Variants in CDH4 observed in about 807,000 individuals in gnomAD.
CDH4 encodes cadherin 4.
A neutral mutation model predicts 86.0 loss-of-function variants in CDH4; 33 were observed. That is an observed-to-expected ratio of 0.38 (90% CI 0.29 to 0.51). The LOEUF (loss-of-function observed/expected upper bound fraction) is 0.51. Ranked by LOEUF, CDH4 falls within the 20% of genes least tolerant of loss-of-function variation. The pLI is 0.86. For missense variants in CDH4, 1,114 were observed against 1,307.4 expected (o/e 0.85, Z 2.28); for synonymous variants, 555 against 549.4 (o/e 1.01, Z -0.14).
intron 3 of CDH4, among the ~76,000 whole-genome samples, chr20:61,763,440 A>G (rs974436567): frequency 2.6e-5 from 4 of 152,130 alleles, no homozygotes; most frequent in Admixed American, 2.0e-4. Context: ...TCTGGGAGGC[A>G]TTTTCACGCA....
intron 2 of CDH4, among the ~76,000 whole-genome samples, chr20:61,666,198 A>C (rs2087322276): frequency 6.6e-6 from 1 of 152,220 alleles, no homozygotes; most frequent in African/African-American, 2.4e-5. Context: ...CCTGCCAAAA[A>C]GTGGGGTGGC....
intron 2 of CDH4, among the ~76,000 whole-genome samples, chr20:61,408,585 G>A (rs1195052591): frequency 6.6e-6 from 1 of 152,170 alleles, no homozygotes; most frequent in Non-Finnish European, 1.5e-5. Context: ...TGTGCTCAGA[G>A]GGTGAACAAA....
rs113858403 is a variant in CDH4, at chr20:61,260,538, G to A, written c.169+5601G>A. ...AGGGAACCTTGGTCTCTGTAGCGAA[G>A]CAGAATTATGTGAAGGCTGGGTGGG... On this transcript the variant is annotated intron_variant, in intron 2 of 15. Transcript: ENST00000614565. Among the ~76,000 whole-genome samples, 687 of 152,318 alleles carry A rather than the reference G, an allele frequency of 4.5e-3. 4 individuals carry two copies. The highest frequency in any genetic ancestry group is 0.016 in the African/African-American group (647 of 41,568).
At chr20:61,626,123 A>G (rs923047740) in intron 2 of CDH4, among the ~76,000 whole-genome samples, 1 of 152,246 alleles carries the variant, frequency 6.6e-6, no homozygotes, top group Non-Finnish European at 1.5e-5. Context: ...AGCAGGGAAC[A>G]GAAGAGACCG....
chr20:61,535,932 G>A (rs1030183958), intron 2 of CDH4, among the ~76,000 whole-genome samples: 2 of 152,206 alleles, frequency 1.3e-5, no homozygotes, highest in African/African-American at 4.8e-5. Flanking sequence ...GTTGTGCCTA[G>A]CTGGGAATCT....
intron 3 of CDH4, among the ~76,000 whole-genome samples, chr20:61,755,319 GCA>G (rs1468883888): frequency 1.5e-5 from 2 of 132,564 alleles, no homozygotes; most frequent in South Asian, 2.5e-4. Flanking sequence ...AGTGCACACC[GCA>G]CACACACTGC....
chr20:61,772,875 C>T, intron 3 of CDH4, 128 bp from the exon 4 acceptor site: 2 of 710,204 alleles, frequency 2.8e-6, no homozygotes, highest in Non-Finnish European at 4.3e-6. Flanking sequence ...CGCTTAGCTC[C>T]TTGTCCCAGC....
At chr20:61,317,699 T>C (rs1230507577) in intron 2 of CDH4, among the ~76,000 whole-genome samples, 1 of 152,098 alleles carries the variant, frequency 6.6e-6, no homozygotes, top group Non-Finnish European at 1.5e-5. Context: ...AAAATGCCTC[T>C]AGATGTTGCC....
At chr20:61,767,735 G>A (rs2088716918) in intron 3 of CDH4, among the ~76,000 whole-genome samples, 1 of 152,290 alleles carries the variant, frequency 6.6e-6, no homozygotes, top group African/African-American at 2.4e-5. Flanking sequence ...AGAGGAGGGA[G>A]CACAGGAGGG....
chr20:61,320,318 C>T (rs781161397), intron 2 of CDH4, among the ~76,000 whole-genome samples: 7 of 152,078 alleles, frequency 4.6e-5, no homozygotes, highest in Non-Finnish European at 1.0e-4. Context: ...GAGCATCTGC[C>T]GTGGGTCAGA....
chr20:61,319,017 A>G (rs1230942280), intron 2 of CDH4, among the ~76,000 whole-genome samples: 1 of 152,236 alleles, frequency 6.6e-6, no homozygotes, highest in Non-Finnish European at 1.5e-5. Context: ...ATGTCACATG[A>G]TGCCGTGATA....
intron 6 of CDH4, among the ~76,000 whole-genome samples, chr20:61,858,225 GTGTC>G (rs1257970545): frequency 2.1e-4 from 32 of 151,104 alleles, no homozygotes; most frequent in African/African-American, 7.3e-4. Context: ...CTGTGTCTCT[GTGTC>G]TGTGTGTCTG....
intron 2 of CDH4, among the ~76,000 whole-genome samples, chr20:61,298,526 C>T (rs1433122793): frequency 1.3e-5 from 2 of 152,078 alleles, no homozygotes; most frequent in East Asian, 1.9e-4. Context: ...ACACGGCATG[C>T]ACAACCACAC....
chr20:61,924,238 G>T, intron 10 of CDH4, 96 bp from the exon 11 acceptor site: 1 of 1,273,390 alleles, frequency 7.9e-7, no homozygotes, highest in Non-Finnish European at 1.1e-6. Flanking sequence ...ACTGGCCCAG[G>T]CCCAGGCCCT....
intron 2 of CDH4, among the ~76,000 whole-genome samples, chr20:61,261,584 T>G (rs916108667): frequency 6.6e-6 from 1 of 152,200 alleles, no homozygotes; most frequent in African/African-American, 2.4e-5. Flanking sequence ...GTTCTGGAGA[T>G]TGGCCTAAGG....
chr20:61,671,905 TGG>T (rs1277671473), intron 2 of CDH4, among the ~76,000 whole-genome samples: 1 of 150,574 alleles, frequency 6.6e-6, no homozygotes, highest in Non-Finnish European at 1.5e-5. Context: ...GATGGATGGA[TGG>T]ATGAGTAGGT....
intron 2 of CDH4, among the ~76,000 whole-genome samples, chr20:61,482,363 C>A (rs2145580058): frequency 6.6e-6 from 1 of 152,280 alleles, no homozygotes; most frequent in East Asian, 1.9e-4. Context: ...CCACACAGAT[C>A]TTTCTGGCAC....
At chr20:61,562,447 GA>G (rs2086226630) in intron 2 of CDH4, among the ~76,000 whole-genome samples, 1 of 152,160 alleles carries the variant, frequency 6.6e-6, no homozygotes, top group East Asian at 1.9e-4. Context: ...CCCGGAGAGA[GA>G]GAGGGGCCTC....
At chr20:61,437,857 G>A (rs1191304391) in intron 2 of CDH4, among the ~76,000 whole-genome samples, 1 of 152,162 alleles carries the variant, frequency 6.6e-6, no homozygotes, top group Non-Finnish European at 1.5e-5. Flanking sequence ...GAAAACAGAA[G>A]ACATTCTGAT....
Sources: gnomAD v4.1 joint callset for allele counts (sites outside exome capture counted in the v4.1 genomes callset) on GRCh38, gnomAD v4.1.1 for gene constraint, MANE v1.5 for transcripts, NCBI Gene and HGNC (gene_info 2026-07-23, HGNC 2026-07-21) for gene names.